The following AFG1L variants were observed in gnomAD, a reference collection of about 807,000 sequenced individuals.
The protein encoded by AFG1L is AFG1 like ATPase, also known as AFG1-like ATPase.
A neutral mutation model predicts 62.2 loss-of-function variants in AFG1L; 53 were observed. The observed-to-expected ratio is 0.85, with a 90% CI of 0.68 to 1.07. AFG1L has a LOEUF of 1.07. Ranked by LOEUF, AFG1L falls within the 50% of genes least tolerant of loss-of-function variation. The probability of loss-of-function intolerance (pLI) is 0.00; values close to 1 mark genes in which losing one functional copy is unlikely to be tolerated. For synonymous variants in AFG1L, 228 were observed against 210.3 expected (o/e 1.08, Z -0.73); for missense variants, 555 against 590.5 (o/e 0.94, Z 0.62).
intron 10 of AFG1L, among the ~76,000 whole-genome samples, chr6:108,503,984 T>C (rs945248675): frequency 6.6e-6 from 1 of 152,262 alleles, no homozygotes; most frequent in African/African-American, 2.4e-5. Flanking sequence ...TCAATCTTCA[T>C]GTAATTGAAG....
intron 7 of AFG1L, among the ~76,000 whole-genome samples, chr6:108,411,822 G>C (rs1210890321): frequency 6.6e-6 from 1 of 152,256 alleles, no homozygotes; most frequent in Non-Finnish European, 1.5e-5. Flanking sequence ...GAGCAGAGAA[G>C]CTGAAAATGC....
At chr6:108,426,441 A>T (rs180712936) in intron 7 of AFG1L, among the ~76,000 whole-genome samples, 10 of 152,326 alleles carry the variant, frequency 6.6e-5, no homozygotes, top group Admixed American at 5.9e-4. Context: ...TAGTATAGTT[A>T]TAAAAAAGAT....
At chr6:108,483,437 T>A (rs1773405450) in intron 10 of AFG1L, among the ~76,000 whole-genome samples, 1 of 152,192 alleles carries the variant, frequency 6.6e-6, no homozygotes, top group Non-Finnish European at 1.5e-5. Context: ...CCAAAAAGTT[T>A]GAGAACTCCT....
At chr6:108,374,889 G>C (rs1262355264) in intron 6 of AFG1L, among the ~76,000 whole-genome samples, 1 of 152,164 alleles carries the variant, frequency 6.6e-6, no homozygotes, top group African/African-American at 2.4e-5. Flanking sequence ...TAGTTTGATA[G>C]GAATAGCATT....
At chr6:108,432,714 C>T (rs1771129781) in intron 7 of AFG1L, among the ~76,000 whole-genome samples, 1 of 152,176 alleles carries the variant, frequency 6.6e-6, no homozygotes, top group African/African-American at 2.4e-5. Context: ...TTAGGCTAAG[C>T]CAGTGGTTCT....
chr6:108,512,365 G>A (rs371313742), intron 11 of AFG1L, among the ~76,000 whole-genome samples: 9 of 152,192 alleles, frequency 5.9e-5, no homozygotes, highest in African/African-American at 1.4e-4. Context: ...GCATCCCCGC[G>A]GAGCCCACAC....
chr6:108,475,270 C>T (rs1428315340), intron 8 of AFG1L, among the ~76,000 whole-genome samples: 2 of 152,160 alleles, frequency 1.3e-5, no homozygotes, highest in African/African-American at 2.4e-5. Context: ...GTACCAGTAC[C>T]AGGCTGTTTT....
chr6:108,409,256 T>C (rs1781996839), intron 7 of AFG1L, among the ~76,000 whole-genome samples: 2 of 152,344 alleles, frequency 1.3e-5, no homozygotes, highest in Admixed American at 1.3e-4. Context: ...AATGATCTTG[T>C]ATTATTTTTA....
chr6:108,373,866 C>T (rs1395437998), intron 6 of AFG1L, among the ~76,000 whole-genome samples: 1 of 152,188 alleles, frequency 6.6e-6, no homozygotes, highest in Non-Finnish European at 1.5e-5. Flanking sequence ...GCGTGAGCCA[C>T]TGCGCCTGGC....
At chr6:108,506,754 G>A (rs558170901) in intron 10 of AFG1L, among the ~76,000 whole-genome samples, 2 of 152,280 alleles carry the variant, frequency 1.3e-5, no homozygotes, top group Admixed American at 1.3e-4. Flanking sequence ...TTGTTATAAT[G>A]TATTGCTTTT....
intron 1 of AFG1L, among the ~76,000 whole-genome samples, chr6:108,302,974 C>T (rs1446537062): frequency 1.3e-4 from 20 of 151,912 alleles, no homozygotes; most frequent in African/African-American, 4.6e-4. Flanking sequence ...ATCGGAGTTT[C>T]GCTCTGTCAC....
intron 7 of AFG1L, among the ~76,000 whole-genome samples, chr6:108,409,510 A>G (rs1033570203): frequency 2.0e-5 from 3 of 152,178 alleles, no homozygotes; most frequent in Non-Finnish European, 4.4e-5. Context: ...TGATAGATAT[A>G]TTTTGGAGGA....
chr6:108,468,502 G>T (rs1026877623), intron 8 of AFG1L, among the ~76,000 whole-genome samples: 1 of 152,052 alleles, frequency 6.6e-6, no homozygotes, highest in Admixed American at 6.6e-5. Flanking sequence ...TTTGTTCCTG[G>T]TTTCCTGAAA....
At chr6:108,376,031 C>G (rs1466589080) in intron 6 of AFG1L, among the ~76,000 whole-genome samples, 1 of 152,028 alleles carries the variant, frequency 6.6e-6, no homozygotes, top group Non-Finnish European at 1.5e-5. Context: ...CTTTCTGATT[C>G]AATCTTGGGA....
At chr6:108,318,418 T>G (rs1174488485) in intron 1 of AFG1L, 2 of 245,140 alleles carry the variant, frequency 8.2e-6, no homozygotes. Flanking sequence ...AGTATCATCT[T>G]TTGTTTTATT....
intron 2 of AFG1L, among the ~76,000 whole-genome samples, chr6:108,332,647 G>A (rs1020426449): frequency 2.0e-5 from 3 of 152,044 alleles, no homozygotes. Flanking sequence ...GTAGAGTTTT[G>A]CCGTGTTGCC....
intron 7 of AFG1L, among the ~76,000 whole-genome samples, chr6:108,415,548 G>C (rs1770221558): frequency 6.6e-6 from 1 of 152,170 alleles, no homozygotes; most frequent in African/African-American, 2.4e-5. Flanking sequence ...AACCAAAACA[G>C]CATGGTGCTG....
chr6:108,486,100 A>G lies in AFG1L; in HGVS notation c.1062+8808A>G, dbSNP rs763693101. Reference sequence around the variant, plus strand: ...ATAGCTCTCTAAACAGAAGACCTGTATGAAGAGATTGGTAAAGTGCTGAGA... The same window carrying G: ...ATAGCTCTCTAAACAGAAGACCTGTGTGAAGAGATTGGTAAAGTGCTGAGA... On this transcript the variant is annotated intron_variant, in intron 10 of 12. Transcript: ENST00000368977. Among the ~76,000 whole-genome samples, 34 of 152,236 alleles carry G rather than the reference A, an allele frequency of 2.2e-4. 1 individual carries two copies. The highest frequency in any genetic ancestry group is 3.8e-4 in the Non-Finnish European group (26 of 68,038).
At chr6:108,424,490 G>A (rs191317206) in intron 7 of AFG1L, among the ~76,000 whole-genome samples, 26 of 152,082 alleles carry the variant, frequency 1.7e-4, no homozygotes, top group African/African-American at 5.5e-4. Context: ...TTTACGAAGG[G>A]CTTAGTCATT....
Sources: allele counts gnomAD v4.1 joint callset (sites outside exome capture counted in the v4.1 genomes callset), GRCh38; gene constraint gnomAD v4.1.1; transcripts MANE v1.5; gene names NCBI Gene and HGNC (gene_info 2026-07-23, HGNC 2026-07-21).